Variants in PPARGC1A observed in about 807,000 individuals in gnomAD.
PPARGC1A encodes the protein peroxisome proliferator-activated receptor gamma coactivator 1-alpha.
In PPARGC1A, 25 loss-of-function variants were observed where a neutral mutation model predicts 88.7. The observed-to-expected ratio is 0.28, with a 90% confidence interval of 0.21 to 0.39. The LOEUF (loss-of-function observed/expected upper bound fraction) is 0.39, where lower values mean the gene tolerates loss of function less well. Ranked by LOEUF, PPARGC1A falls within the 10% of genes least tolerant of loss-of-function variation. The pLI is 1.00. For synonymous variants in PPARGC1A, 363 were observed against 355.6 expected (o/e 1.02, Z -0.24); for missense variants, 880 against 968.7 (o/e 0.91, Z 1.22).
upstream of PPARGC1A, chr4:23,904,216 C>T (rs946781199): frequency 8.5e-5 from 16 of 187,834 alleles, no homozygotes; most frequent in East Asian, 9.4e-4. Flanking sequence ...TAGCCAGATA[C>T]GAACGTAAGA....
chr4:24,268,955 C>T, the PPARGC1A span, among the ~76,000 whole-genome samples: 1 of 152,124 alleles, frequency 6.6e-6, no homozygotes, highest in Non-Finnish European at 1.5e-5. Flanking sequence ...CCTTCCTTCC[C>T]TCATGGAGCT....
chr4:24,167,608 A>G, the PPARGC1A span, among the ~76,000 whole-genome samples: 3 of 152,212 alleles, frequency 2.0e-5, no homozygotes, highest in African/African-American at 7.2e-5. Context: ...AAATTGCCAC[A>G]GCCACCCAAC....
chr4:23,812,729 G>A lies in PPARGC1A; in HGVS notation c.2019+18C>T. 6.2e-7 allele frequency: 1 copy of A among 1,612,400 alleles called. No homozygotes were observed. The highest frequency in any genetic ancestry group is 8.5e-7 in the Non-Finnish European group (1 of 1,179,572). On this transcript the variant is annotated intron_variant, in intron 10 of 12. Transcript: ENST00000264867. ...AGAAACCCTACTTTAAAATAAAAGT[G>A]AGCTCCAGGCCACTTACAATTGCCT...
chr4:24,079,777 A>G, the PPARGC1A span, among the ~76,000 whole-genome samples: 1 of 152,038 alleles, frequency 6.6e-6, no homozygotes, highest in African/African-American at 2.4e-5. Context: ...CTCCCAGTCA[A>G]TCAGGTAACT....
chr4:23,852,937 A>G (rs1729562514), intron 2 of PPARGC1A, among the ~76,000 whole-genome samples: 1 of 152,194 alleles, frequency 6.6e-6, no homozygotes, highest in Non-Finnish European at 1.5e-5. Flanking sequence ...CTAAAAAAAA[A>G]CTATAATGCA....
the PPARGC1A span, among the ~76,000 whole-genome samples, chr4:24,069,387 C>G: frequency 2.0e-5 from 3 of 152,170 alleles, no homozygotes; most frequent in Non-Finnish European, 4.4e-5. Context: ...TACCCATCAC[C>G]AAAGCTAGGT....
the PPARGC1A span, among the ~76,000 whole-genome samples, chr4:24,399,270 G>C: frequency 2.0e-5 from 3 of 152,054 alleles, no homozygotes; most frequent in African/African-American, 7.2e-5. Context: ...AGCATTCTTA[G>C]GTCCTTTGAG....
chr4:23,944,651 G>A, the PPARGC1A span, among the ~76,000 whole-genome samples: 1 of 152,120 alleles, frequency 6.6e-6, no homozygotes, highest in African/African-American at 2.4e-5. Flanking sequence ...GCACCTGGTG[G>A]GAGGTAACTG....
chr4:24,302,834 C>T, the PPARGC1A span, among the ~76,000 whole-genome samples: 1 of 152,214 alleles, frequency 6.6e-6, no homozygotes, highest in African/African-American at 2.4e-5. Context: ...AAATAAATTA[C>T]TGCCTGGGGA....
the PPARGC1A span, among the ~76,000 whole-genome samples, chr4:24,087,678 C>T: frequency 6.6e-6 from 1 of 152,226 alleles, no homozygotes; most frequent in African/African-American, 2.4e-5. Context: ...TCCCTGGTGG[C>T]ATAAGCCACT....
At chr4:24,321,974 T>G in the PPARGC1A span, among the ~76,000 whole-genome samples, 1 of 152,240 alleles carries the variant, frequency 6.6e-6, no homozygotes, top group Non-Finnish European at 1.5e-5. Flanking sequence ...CTACATGGGA[T>G]TGTTTTTTCT....
the PPARGC1A span, among the ~76,000 whole-genome samples, chr4:24,347,841 G>T: frequency 2.6e-5 from 4 of 151,732 alleles, no homozygotes; most frequent in Admixed American, 2.6e-4. Context: ...TATTTTGTTT[G>T]TTTGTTTTTG....
At chr4:24,150,929 C>A in the PPARGC1A span, among the ~76,000 whole-genome samples, 1 of 152,202 alleles carries the variant, frequency 6.6e-6, no homozygotes, top group Admixed American at 6.5e-5. Context: ...CTCTCTATTT[C>A]CACGCATCTC....
chr4:24,244,590 C>A, the PPARGC1A span, among the ~76,000 whole-genome samples: 1 of 152,120 alleles, frequency 6.6e-6, no homozygotes, highest in Non-Finnish European at 1.5e-5. Context: ...AGGAGAGTCA[C>A]AGAGATTTTT....
At chr4:24,262,215 G>A in the PPARGC1A span, among the ~76,000 whole-genome samples, 2 of 152,166 alleles carry the variant, frequency 1.3e-5, no homozygotes, top group Non-Finnish European at 2.9e-5. Flanking sequence ...GGCTGGGTGT[G>A]CTTCAATCTC....
rs1718970533 is a variant in PPARGC1A, at chr4:23,802,477, A to G, written c.2020-132T>C. 5 of 1,120,618 alleles carry G rather than the reference A, an allele frequency of 4.5e-6. No homozygotes were observed. The East Asian group carries it at 9.9e-5, about 22-fold the overall frequency. The allele number at this position is 1,120,618 out of a possible 1,614,324, so 69.4% of individuals were successfully genotyped here. On this transcript the variant is annotated intron_variant, in intron 10 of 12. Coordinates refer to ENST00000264867, the MANE Select transcript of PPARGC1A (RefSeq NM_013261.5). ...GGTGGATCATGAGGTCAGGAGTTCA[A>G]TACCAGCCTGGGCAAGATGGTGAAA...
the PPARGC1A span, among the ~76,000 whole-genome samples, chr4:24,430,255 C>CTTTTTT: frequency 9.0e-6 from 1 of 110,754 alleles, no homozygotes; most frequent in East Asian, 2.5e-4. Flanking sequence ...TTTTGTATTT[C>CTTTTTT]TTTTTTTTTT....
the PPARGC1A span, among the ~76,000 whole-genome samples, chr4:24,392,837 A>G: frequency 5.9e-5 from 9 of 152,154 alleles, no homozygotes; most frequent in Non-Finnish European, 2.9e-5. Context: ...TAAGACTCTG[A>G]AAAGGATAAC....
chr4:23,942,529 C>T, the PPARGC1A span, among the ~76,000 whole-genome samples: 1 of 152,284 alleles, frequency 6.6e-6, no homozygotes, highest in Non-Finnish European at 1.5e-5. Context: ...GAAACACCCA[C>T]ATTACTGTTA....
Sources: gnomAD v4.1 joint callset for allele counts (sites outside exome capture counted in the v4.1 genomes callset) on GRCh38, gnomAD v4.1.1 for gene constraint, MANE v1.5 for transcripts, NCBI Gene and HGNC (gene_info 2026-07-23, HGNC 2026-07-21) for gene names.